The following WDPCP variants were observed in gnomAD, a reference collection of about 807,000 sequenced individuals.
WDPCP encodes WD repeat-containing and planar cell polarity effector protein fritz homolog.
A neutral mutation model predicts 93.1 loss-of-function variants in WDPCP; 71 were observed. The observed-to-expected ratio is 0.76, with a 90% CI of 0.63 to 0.93. WDPCP has a LOEUF of 0.93. Among genes scored for constraint, WDPCP ranks in the 40% least tolerant of loss-of-function variants. WDPCP has a pLI of 0.00. For missense variants in WDPCP, 844 were observed against 887.4 expected (o/e 0.95, Z 0.62); for synonymous variants, 315 against 315.0 (o/e 1.00, Z 0.00).
intron 15 of WDPCP, among the ~76,000 whole-genome samples, chr2:63,154,999 T>C (rs1268245854): frequency 1.3e-5 from 2 of 152,182 alleles, no homozygotes; most frequent in Non-Finnish European, 2.9e-5. Flanking sequence ...TTTGTTTTCT[T>C]ACTGTTGAGC....
intron 2 of WDPCP, among the ~76,000 whole-genome samples, chr2:63,775,464 T>A (rs1021886541): frequency 2.6e-5 from 4 of 152,230 alleles, no homozygotes; most frequent in African/African-American, 9.6e-5. Context: ...GTTTTAGTAC[T>A]AGTATGTCTC....
At chr2:63,600,685 G>T (rs1465802098) in intron 3 of WDPCP, among the ~76,000 whole-genome samples, 1 of 152,142 alleles carries the variant, frequency 6.6e-6, no homozygotes, top group Admixed American at 6.5e-5. Context: ...TTAGAGGGTT[G>T]TTGGATAACA....
intron 12 of WDPCP, among the ~76,000 whole-genome samples, chr2:63,316,909 G>A (rs6737820): frequency 0.78 from 119,213 of 151,952 alleles, 47,345 homozygotes; most frequent in East Asian, 0.96. Flanking sequence ...TAATGTCCAA[G>A]CTGAGAGCCA....
intron 1 of WDPCP, among the ~76,000 whole-genome samples, chr2:63,504,048 T>C (rs983698716): frequency 3.3e-5 from 5 of 152,110 alleles, no homozygotes; most frequent in Non-Finnish European, 7.4e-5. Flanking sequence ...CCCACTCCTC[T>C]GAAAAACAAA....
intron 9 of WDPCP, among the ~76,000 whole-genome samples, chr2:63,425,603 A>C (rs995647334): frequency 3.3e-5 from 5 of 152,236 alleles, no homozygotes; most frequent in African/African-American, 1.2e-4. Context: ...TTAACAACAT[A>C]ATAGACTAAA....
intron 11 of WDPCP, among the ~76,000 whole-genome samples, chr2:63,379,527 G>C (rs550820966): frequency 5.3e-5 from 8 of 152,132 alleles, no homozygotes; most frequent in African/African-American, 1.9e-4. Context: ...GATTACAATT[G>C]AATACAGCAA....
intron 2 of WDPCP, among the ~76,000 whole-genome samples, chr2:63,786,308 G>A (rs913046675): frequency 2.0e-5 from 3 of 152,016 alleles, no homozygotes; most frequent in Non-Finnish European, 2.9e-5. Flanking sequence ...CACCACACTC[G>A]GCCTCATTTT....
intron 13 of WDPCP, among the ~76,000 whole-genome samples, chr2:63,299,037 G>A (rs543130520): frequency 1.3e-5 from 2 of 152,346 alleles, no homozygotes; most frequent in South Asian, 2.1e-4. Context: ...TCCAGGTGGT[G>A]TAGATGCAAT....
intron 2 of WDPCP, among the ~76,000 whole-genome samples, chr2:63,737,717 A>G (rs956177047): frequency 1.3e-5 from 2 of 152,158 alleles, no homozygotes; most frequent in African/African-American, 4.8e-5. Flanking sequence ...ACTTAGGCTC[A>G]ACCTTTACCA....
rs186974461 is a variant in WDPCP, at chr2:63,326,926, C to T, written c.1749-13615G>A. Among the ~76,000 whole-genome samples, 11 of 152,314 alleles carry T rather than the reference C, an allele frequency of 7.2e-5. No homozygotes were observed. In the East Asian group the frequency reaches 2.1e-3, roughly 29 times the overall value. On this transcript the variant is annotated intron_variant, in intron 12 of 17. Coordinates refer to ENST00000272321, the MANE Select transcript of WDPCP (RefSeq NM_015910.7). ...TCTTCTCTGTAACCCTGTAACAACA[C>T]TCCAATACCACCTTGTTGTCAGTGT...
chr2:63,528,165 T>C (rs1376202883), intron 1 of WDPCP, among the ~76,000 whole-genome samples: 1 of 152,230 alleles, frequency 6.6e-6, no homozygotes, highest in East Asian at 1.9e-4. Context: ...ATTCTGTAGG[T>C]TGCCTCTTCA....
chr2:63,605,903 AATC>A (rs1709517712), intron 3 of WDPCP: 1 of 1,534,176 alleles, frequency 6.5e-7, no homozygotes, highest in Non-Finnish European at 9.0e-7. Flanking sequence ...TGTGTAAACT[AATC>A]ATCATGAGTA....
chr2:63,271,153 T>C (rs1242144797), intron 13 of WDPCP, among the ~76,000 whole-genome samples: 1 of 152,200 alleles, frequency 6.6e-6, no homozygotes. Flanking sequence ...TCTGGGACAA[T>C]GGGACCAGAA....
intron 2 of WDPCP, among the ~76,000 whole-genome samples, chr2:63,794,452 T>C (rs1174362889): frequency 6.6e-6 from 1 of 152,232 alleles, no homozygotes; most frequent in Non-Finnish European, 1.5e-5. Context: ...TCTAGGCCAA[T>C]GAGCCATGTC....
chr2:63,135,886 G>A (rs551870653), intron 17 of WDPCP, among the ~76,000 whole-genome samples: 12 of 151,970 alleles, frequency 7.9e-5, no homozygotes, highest in Admixed American at 4.6e-4. Context: ...CACGTGTACC[G>A]TGTCTGGCTA....
At chr2:63,262,553 A>AG (rs1681731606) in intron 13 of WDPCP, among the ~76,000 whole-genome samples, 1 of 150,980 alleles carries the variant, frequency 6.6e-6, no homozygotes, top group Non-Finnish European at 1.5e-5. Flanking sequence ...AAAAAAAAAA[A>AG]AAAGAAAGAA....
In WDPCP at chr2:63,399,053, T is replaced by C. The variant is rs557932132; in HGVS notation, c.1435+4995A>G. On this transcript the variant is annotated intron_variant, in intron 10 of 17. Coordinates refer to ENST00000272321, the MANE Select transcript of WDPCP (RefSeq NM_015910.7). ...AAAAATACTTTGTAATAAATATTAA[T>C]CTTATACATTAAAAATGAGAAACAA... 2.0e-5 allele frequency among the ~76,000 whole-genome samples: 3 copies of C among 152,278 alleles called. No individual in the cohort carries two copies. The South Asian group carries it at 6.2e-4, about 32-fold the overall frequency.
chr2:63,579,459 A>T (rs1708346674), intron 1 of WDPCP, among the ~76,000 whole-genome samples: 1 of 152,022 alleles, frequency 6.6e-6, no homozygotes, highest in African/African-American at 2.4e-5. Context: ...AAAGTACAAA[A>T]CATAGCTGGG....
chr2:63,764,059 A>G (rs58208651), intron 2 of WDPCP, among the ~76,000 whole-genome samples: 7,875 of 152,254 alleles, frequency 0.052, 366 homozygotes, highest in African/African-American at 0.11. Context: ...AAATTCACAT[A>G]AGATAAAGTT....
Sources: allele counts gnomAD v4.1 joint callset (sites outside exome capture counted in the v4.1 genomes callset), GRCh38; gene constraint gnomAD v4.1.1; transcripts MANE v1.5; gene names NCBI Gene and HGNC (gene_info 2026-07-23, HGNC 2026-07-21).